UBE2D2: variants seen among roughly 807,000 people sequenced by gnomAD.
The protein encoded by UBE2D2 is ubiquitin-conjugating enzyme E2 D2.
UBE2D2 carries 2 observed loss-of-function variants against 24.2 expected under a neutral mutation model. The ratio of observed to expected loss-of-function variants is 0.08; its 90% CI spans 0.03 to 0.26. The LOEUF (loss-of-function observed/expected upper bound fraction) is 0.26. Ranked by LOEUF, UBE2D2 falls within the 10% of genes least tolerant of loss-of-function variation. The pLI, the probability that UBE2D2 is intolerant of heterozygous loss-of-function variation, is 1.00. For synonymous variants in UBE2D2, 58 were observed against 56.5 expected, an observed-to-expected ratio of 1.03 and a Z score of -0.12; for missense variants, 44 against 177.6, an observed-to-expected ratio of 0.25 and a Z score of 4.28.
intron 1 of UBE2D2, among the ~76,000 whole-genome samples, chr5:139,536,771 T>C (rs1400670963): frequency 6.6e-6 from 1 of 152,070 alleles, no homozygotes. Flanking sequence ...ATTACAGGTG[T>C]GAGCCACCGC....
At chr5:139,590,890 G>T (rs553719712) in intron 1 of UBE2D2, among the ~76,000 whole-genome samples, 11 of 148,030 alleles carry the variant, frequency 7.4e-5, no homozygotes, top group Middle Eastern at 6.9e-3. Context: ...CGCCTCCCGG[G>T]TTCCAGTGAT....
chr5:139,548,299 C>T (rs1285860891), intron 1 of UBE2D2, among the ~76,000 whole-genome samples: 3 of 151,418 alleles, frequency 2.0e-5, no homozygotes, highest in Non-Finnish European at 4.4e-5. Flanking sequence ...AAGTGTTCCT[C>T]GTTTTCCCAC....
chr5:139,611,332 G>A (rs550242641), intron 2 of UBE2D2, among the ~76,000 whole-genome samples: 178 of 151,638 alleles, frequency 1.2e-3, no homozygotes, highest in African/African-American at 4.0e-3. Context: ...GATTACAGAC[G>A]CCCGCCATCA....
At position 139,600,413 on chromosome 5, in the gene UBE2D2, A is replaced by T. The variant is rs773052599; in HGVS notation, c.66A>T (p.Ser22=). 3 of 1,614,150 alleles carry T rather than the reference A, an allele frequency of 1.9e-6. No individual in the cohort carries two copies. The highest frequency in any genetic ancestry group is 1.7e-6 in the Non-Finnish European group (2 of 1,180,022). ...CACGGGACCCTCCAGCACAGTGTTCAGCAGGTCCTGTTGGAGATGATAGTA... is the reference window on the plus strand; with the variant it reads ...CACGGGACCCTCCAGCACAGTGTTCTGCAGGTCCTGTTGGAGATGATAGTA... ...DLARDPPAQC[S]AGPVGDDMFH... is the part of the protein sequence containing the mutation. Residue 22 remains serine, a synonymous_variant, in exon 2 of 7, where the codon TCA becomes TCT. Transcript: ENST00000398733.
At chr5:139,580,285 G>A (rs897958556) in intron 1 of UBE2D2, among the ~76,000 whole-genome samples, 8 of 151,768 alleles carry the variant, frequency 5.3e-5, no homozygotes, top group South Asian at 4.2e-4. Context: ...GGCTGGTCTC[G>A]AACTCCCGGG....
chr5:139,617,908 G>A (rs750534381), intron 5 of UBE2D2, among the ~76,000 whole-genome samples: 10 of 152,046 alleles, frequency 6.6e-5, no homozygotes, highest in Admixed American at 1.3e-4. Flanking sequence ...TGTCAAAAGT[G>A]TTGGGTATTT....
intron 1 of UBE2D2, among the ~76,000 whole-genome samples, chr5:139,546,096 T>G (rs886636366): frequency 6.6e-6 from 1 of 151,880 alleles, no homozygotes; most frequent in Non-Finnish European, 1.5e-5. Context: ...CAGGCTGGAG[T>G]GCAATGGCGT....
At chr5:139,534,508 G>A (rs1752640659) in intron 1 of UBE2D2, among the ~76,000 whole-genome samples, 1 of 151,502 alleles carries the variant, frequency 6.6e-6, no homozygotes, top group Admixed American at 6.6e-5. Flanking sequence ...GGAGCTTGCA[G>A]TGAGCCGAGA....
chr5:139,527,240 G>T (rs1013714615), intron 1 of UBE2D2, among the ~76,000 whole-genome samples: 6 of 151,986 alleles, frequency 3.9e-5, no homozygotes, highest in African/African-American at 1.5e-4. Flanking sequence ...CAAAGCACCC[G>T]GACCAGTTTC....
At chr5:139,571,390 G>C (rs950344097) in intron 1 of UBE2D2, among the ~76,000 whole-genome samples, 4 of 145,374 alleles carry the variant, frequency 2.8e-5, no homozygotes, top group African/African-American at 1.0e-4. Context: ...CTGGGCGACA[G>C]AGCAAGACTC....
At chr5:139,562,062 A>G (rs981768020) in intron 1 of UBE2D2, 2 of 819,568 alleles carry the variant, frequency 2.4e-6, no homozygotes, top group Admixed American at 6.6e-5. Flanking sequence ...CCAGGCCCGC[A>G]TGGTGTGGAC....
intron 1 of UBE2D2, among the ~76,000 whole-genome samples, chr5:139,591,277 C>T (rs1233811143): frequency 7.9e-5 from 12 of 151,454 alleles, no homozygotes; most frequent in Non-Finnish European, 1.3e-4. Context: ...TGCACCACCA[C>T]GCCCAGCTAA....
At chr5:139,617,318 A>AATAG (rs1468559347) in intron 5 of UBE2D2, among the ~76,000 whole-genome samples, 1 of 152,212 alleles carries the variant, frequency 6.6e-6, no homozygotes, top group East Asian at 1.9e-4. Flanking sequence ...AGTGTCCAGA[A>AATAG]ATAGACAAGC....
chr5:139,532,428 T>G (rs1752609097), intron 1 of UBE2D2, among the ~76,000 whole-genome samples: 1 of 151,766 alleles, frequency 6.6e-6, no homozygotes, highest in East Asian at 1.9e-4. Flanking sequence ...CTCGGCTCAC[T>G]GCAAGCTCCG....
At chr5:139,527,770 GC>G (rs1752557992) in intron 1 of UBE2D2, among the ~76,000 whole-genome samples, 1 of 152,156 alleles carries the variant, frequency 6.6e-6, no homozygotes, top group Non-Finnish European at 1.5e-5. Flanking sequence ...AAAATTTTAA[GC>G]AAAAAATGTT....
At chr5:139,546,017 G>A (rs1047905157) in intron 1 of UBE2D2, among the ~76,000 whole-genome samples, 1 of 151,102 alleles carries the variant, frequency 6.6e-6, no homozygotes, top group African/African-American at 2.4e-5. Context: ...ATGAGTCACC[G>A]TGCCTGGCCT....
intron 1 of UBE2D2, among the ~76,000 whole-genome samples, chr5:139,576,448 T>A (rs895889768): frequency 1.3e-5 from 2 of 152,180 alleles, no homozygotes; most frequent in Non-Finnish European, 2.9e-5. Context: ...ATATGGCCAC[T>A]TGTCATTAAA....
rs1370972299 is a variant in UBE2D2 at position 139,623,700 on chromosome 5, G to T, written c.398+239G>T. On this transcript the variant is annotated intron_variant, in intron 6 of 6. Coordinates refer to ENST00000398733, the MANE Select transcript of UBE2D2 (RefSeq NM_003339.3). ...TCTACAAAAACTTTTTTTTTTGTTT[G>T]TTTTTTTTTGAGACAGGGTCTTACT... is the stretch of plus-strand genomic sequence containing the variant. 1.8e-4 allele frequency: 62 copies of T among 341,230 alleles called. 1 individual carries two copies. In the East Asian group the frequency reaches 2.4e-3, roughly 13 times the overall value. 21.1% of individuals were successfully genotyped at this position (341,230 alleles called of 1,614,324 possible).
chr5:139,563,379 A>G (rs1753150767), intron 1 of UBE2D2, among the ~76,000 whole-genome samples: 1 of 152,222 alleles, frequency 6.6e-6, no homozygotes, highest in South Asian at 2.1e-4. Flanking sequence ...CTAAAATGAA[A>G]TGGTATTTGT....
Sources: allele counts gnomAD v4.1 joint callset (sites outside exome capture counted in the v4.1 genomes callset), GRCh38; gene constraint gnomAD v4.1.1; transcripts MANE v1.5; gene names NCBI Gene and HGNC (gene_info 2026-07-23, HGNC 2026-07-21).